ABCC2: variants seen among roughly 807,000 people sequenced by gnomAD.
The protein encoded by ABCC2 is ATP binding cassette subfamily C member 2.
In ABCC2, 157 loss-of-function variants were observed where a neutral mutation model predicts 173.4. The ratio of observed to expected loss-of-function variants is 0.91; its 90% confidence interval spans 0.80 to 1.03. The LOEUF (loss-of-function observed/expected upper bound fraction) is 1.03, where lower values mean the gene tolerates loss of function less well. Ranked by LOEUF, ABCC2 falls within the 50% of genes least tolerant of loss-of-function variation. The pLI is 0.00. For synonymous variants in ABCC2, 657 were observed against 693.5 expected (o/e 0.95, Z 0.83); for missense variants, 1,822 against 1,852.3 (o/e 0.98, Z 0.30).
intron 9 of ABCC2, among the ~76,000 whole-genome samples, chr10:99,802,872 C>T (rs2038035281): frequency 6.6e-6 from 1 of 152,164 alleles, no homozygotes; most frequent in Non-Finnish European, 1.5e-5. Flanking sequence ...CTATCAGCCT[C>T]CTGACCTCTC....
At chr10:99,815,215 T>C (rs774839796) in intron 16 of ABCC2, among the ~76,000 whole-genome samples, 1 of 152,088 alleles carries the variant, frequency 6.6e-6, no homozygotes, top group African/African-American at 2.4e-5. Context: ...TCTGTTCCTG[T>C]GTTAGTTTGC....
intron 4 of ABCC2, 90 bp downstream of exon 4, chr10:99,793,775 G>T: frequency 6.3e-7 from 1 of 1,588,586 alleles, no homozygotes; most frequent in Non-Finnish European, 8.6e-7. Flanking sequence ...CTCCAGGATC[G>T]AATTGTATTA....
chr10:99,828,871 G>C (rs561567095), intron 19 of ABCC2, among the ~76,000 whole-genome samples: 90 of 151,900 alleles, frequency 5.9e-4, no homozygotes, highest in Non-Finnish European at 9.6e-4. Flanking sequence ...TAGTCAGCCG[G>C]AAGTGAAAGA....
chr10:99,830,162 T>C, intron 19 of ABCC2, 145 bp from the exon 20 acceptor site: 1 of 869,730 alleles, frequency 1.1e-6, no homozygotes, highest in Non-Finnish European at 1.9e-6. Flanking sequence ...ATGGAGTATT[T>C]ATGGAGTAAA....
At chr10:99,833,181 G>T (rs561383892) in intron 23 of ABCC2, among the ~76,000 whole-genome samples, 1 of 152,304 alleles carries the variant, frequency 6.6e-6, no homozygotes, top group South Asian at 2.1e-4. Flanking sequence ...TTCCTCTGGG[G>T]CAGAAACAGT....
At chr10:99,843,237 C>A (rs986245718) in intron 26 of ABCC2, among the ~76,000 whole-genome samples, 1 of 152,158 alleles carries the variant, frequency 6.6e-6, no homozygotes, top group African/African-American at 2.4e-5. Context: ...TGAACCAAAA[C>A]AAAATGACTC....
intron 23 of ABCC2, among the ~76,000 whole-genome samples, chr10:99,832,738 C>A (rs2038761168): frequency 6.6e-6 from 1 of 152,188 alleles, no homozygotes; most frequent in Non-Finnish European, 1.5e-5. Context: ...ATAGAGCCAT[C>A]AGTGATTTTA....
intron 4 of ABCC2, 90 bp downstream of exon 4, chr10:99,793,775 G>A (rs1056898513): frequency 9.4e-6 from 15 of 1,588,468 alleles, no homozygotes; most frequent in East Asian, 6.7e-5. Flanking sequence ...CTCCAGGATC[G>A]AATTGTATTA....
chr10:99,817,629 G>A, intron 17 of ABCC2, 145 bp downstream of exon 17: 1 of 896,206 alleles, frequency 1.1e-6, no homozygotes, highest in Non-Finnish European at 1.7e-6. Context: ...TCATGTGTTT[G>A]TACTAAGTGG....
rs775672473 is a variant in ABCC2 at position 99,832,053 on chromosome 10, G to A, written c.3180G>A (p.Leu1060=). The A allele has an allele frequency of 6.2e-7, 1 of 1,614,222 alleles. No homozygotes were observed. Among genetic ancestry groups the A allele is most frequent in the East Asian group, 2.2e-5 (1 of 44,892 alleles). Residue 1060 remains leucine, a synonymous_variant, in exon 23 of 32, where the codon CTG becomes CTA. Coordinates refer to ENST00000647814, the MANE Select transcript of ABCC2 (RefSeq NM_000392.5). ...VHASNILHKQ[L]LNNILRAPMR... is the part of the protein sequence containing the mutation. ...CATCAAATATCTTGCACAAGCAACT[G>A]CTGAACAATATCCTTCGAGCACCTA...
At position 99,817,503 on chromosome 10, in the gene ABCC2, G is replaced by T; in HGVS notation, c.2271+19G>T. ...AGAGAAGGTACTTGGGATAACAAGG[G>T]ATCTTCAAGGGTGAAGGCATATTGA... On this transcript the variant is annotated intron_variant, in intron 17 of 31. Transcript: ENST00000647814. 6.2e-7 allele frequency: 1 copy of T among 1,613,762 alleles called. No individual in the cohort carries two copies. Among genetic ancestry groups the T allele is most frequent in the Non-Finnish European group, 8.5e-7 (1 of 1,179,770 alleles).
intron 12 of ABCC2, 127 bp downstream of exon 12, chr10:99,807,648 T>TC: frequency 1.5e-6 from 2 of 1,350,248 alleles, no homozygotes; most frequent in Non-Finnish European, 2.1e-6. Flanking sequence ...AGGGGACTTG[T>TC]CCCTCTCACC....
chr10:99,813,128 G>T lies in ABCC2; in HGVS notation c.2078G>T (p.Gly693Val). 6.2e-7 allele frequency: 1 copy of T among 1,613,836 alleles called. No individual in the cohort carries two copies. The highest frequency in any genetic ancestry group is 1.1e-5 in the South Asian group (1 of 91,070). Reference protein sequence around the residue: ...AMLGEMENVHGHITIKGTTAY... With the variant: ...AMLGEMENVHVHITIKGTTAY... ...CTGGGAGAAATGGAAAATGTCCACG[G>T]GCACATCACCATCAAGGTGAGAGGG... Residue 693 changes from glycine (G) to valine (V), a missense_variant, in exon 16 of 32, where the codon GGG (glycine) becomes GTG (valine). By Grantham distance (109) the Gly-to-Val change is moderately radical. Transcript: ENST00000647814.
chr10:99,802,957 C>A (rs2038036649), intron 9 of ABCC2, among the ~76,000 whole-genome samples: 1 of 152,108 alleles, frequency 6.6e-6, no homozygotes, highest in African/African-American at 2.4e-5. Context: ...ACACGAAAGT[C>A]TTTTATTTTA....
chr10:99,845,637 G>A lies in ABCC2; in HGVS notation c.4001G>A (p.Gly1334Asp), dbSNP rs1354696575. Reference protein sequence around the residue: ...IGSMEKIGVVGRTGAGKSSLT... With the variant: ...IGSMEKIGVVDRTGAGKSSLT... ...CTATATTCGCAGATTGGTGTGGTGGGCAGGACAGGAGCTGGAAAGTCATCC... is the reference window on the plus strand; with the variant it reads ...CTATATTCGCAGATTGGTGTGGTGGACAGGACAGGAGCTGGAAAGTCATCC... Residue 1334 changes from glycine to aspartate, a missense_variant, in exon 29 of 32, where the codon GGC (glycine) becomes GAC (aspartate). Transcript: ENST00000647814. The A allele has an allele frequency of 6.2e-7, 1 of 1,613,954 alleles. No individual in the cohort carries two copies. The highest frequency in any genetic ancestry group is 1.3e-5 in the African/African-American group (1 of 74,878).
chr10:99,815,268 C>T (rs377396293), intron 16 of ABCC2, among the ~76,000 whole-genome samples: 1 of 152,198 alleles, frequency 6.6e-6, no homozygotes, highest in Admixed American at 6.5e-5. Flanking sequence ...CTACAAAGGA[C>T]ATGATCTCGT....
Position 99,847,971 on chromosome 10 carries a change from A to C in ABCC2, c.4313+844A>C, listed in dbSNP as rs115925866. On this transcript the variant is annotated intron_variant, in intron 30 of 31. Transcript: ENST00000647814. The stretch of plus-strand genomic sequence containing the variant: ...CTTTGTTATTAAGTGTACTCCTCAT[A>C]TGACATTACACAATGTGAGCTTACA... Among the ~76,000 whole-genome samples, 588 of 152,306 alleles carry C rather than the reference A, an allele frequency of 3.9e-3. 4 individuals carry two copies. Among genetic ancestry groups the C allele is most frequent in the African/African-American group, 0.012 (491 of 41,570 alleles).
In ABCC2 at chr10:99,819,317, A is replaced by G. The variant is rs373216297; in HGVS notation, c.2620+48A>G. On this transcript the variant is annotated intron_variant, in intron 19 of 31. Transcript: ENST00000647814. The stretch of plus-strand genomic sequence containing the variant: ...AGATAGAACTTGGGCCATGGGTGGA[A>G]TGGTAAATCAATATCTAATTCCTGA... The G allele has an allele frequency of 8.4e-5, 131 of 1,557,418 alleles. No homozygotes were observed. The African/African-American group carries it at 1.6e-3, about 19-fold the overall frequency.
chr10:99,785,199 C>T (rs2037684803), intron 2 of ABCC2, among the ~76,000 whole-genome samples: 1 of 152,216 alleles, frequency 6.6e-6, no homozygotes, highest in African/African-American at 2.4e-5. Flanking sequence ...AACTATCACT[C>T]ATCTTCAAAA....
Sources: gnomAD v4.1 joint callset for allele counts (sites outside exome capture counted in the v4.1 genomes callset) on GRCh38, gnomAD v4.1.1 for gene constraint, MANE v1.5 for transcripts, NCBI Gene and HGNC (gene_info 2026-07-23, HGNC 2026-07-21) for gene names.